TNRC6B: variants seen among roughly 807,000 people sequenced by gnomAD.
The protein encoded by TNRC6B is trinucleotide repeat containing adaptor 6B.
A neutral mutation model predicts 203.6 loss-of-function variants in TNRC6B; 52 were observed. That is an observed-to-expected ratio of 0.26 (90% CI 0.20 to 0.32). The LOEUF is 0.32. Among genes scored for constraint, TNRC6B ranks in the 10% least tolerant of loss-of-function variants. The pLI, the probability that TNRC6B is intolerant of heterozygous loss-of-function variation, is 1.00. For synonymous variants in TNRC6B, 838 were observed against 845.7 expected, an observed-to-expected ratio of 0.99 and a Z score of 0.16; for missense variants, 1,923 against 2,286.2, an observed-to-expected ratio of 0.84 and a Z score of 3.24.
rs1292227314 is a variant in TNRC6B, at chr22:40,132,943, C to CAAAAATAAAAAATAAAAA, written c.45+7086_45+7087insTAAAAAATAAAAAAAAAA. On this transcript the variant is annotated intron_variant, in intron 3 of 23. Transcript: ENST00000301923. Reference sequence around the variant, plus strand: ...TGGGGGACAGAGCAAGACTCTGTCTCAAAAAAAAAAAAAAAAAAAAAAAAA... The same window carrying CAAAAATAAAAAATAAAAA: ...TGGGGGACAGAGCAAGACTCTGTCTCAAAAATAAAAAATAAAAAAAAAAAAAAAAAAAAAAAAAAAAAA... 8.0e-4 allele frequency among the ~76,000 whole-genome samples: 19 copies of CAAAAATAAAAAATAAAAA among 23,868 alleles called. 2 individuals are homozygous for CAAAAATAAAAAATAAAAA. Among genetic ancestry groups the CAAAAATAAAAAATAAAAA allele is most frequent in the South Asian group, 4.7e-3 (2 of 422 alleles). The allele number at this position is 23,868 out of a possible 152,430, so 15.7% of individuals were successfully genotyped here.
Position 40,321,203 on chromosome 22 carries a change from G to A in TNRC6B, c.5088G>A (p.Ala1696=), listed in dbSNP as rs368891761. The change falls in exon 22 of 23, where the codon GCG becomes GCA. Residue 1696 remains alanine (A), a synonymous_variant. Coordinates refer to ENST00000454349, the MANE Select transcript of TNRC6B (RefSeq NM_001162501.2). ...TCCGATACAGCACCAAACAGGAGGC[G>A]GCCAAGGCCCAAACTGCACTGCACA... is the stretch of plus-strand genomic sequence containing the variant. The part of the protein sequence containing the change: ...ALIRYSTKQE[A]AKAQTALHMC... The A allele has an allele frequency of 1.9e-5, 30 of 1,613,810 alleles. No homozygotes were observed. Among genetic ancestry groups the A allele is most frequent in the African/African-American group, 1.1e-4 (8 of 74,918 alleles).
chr22:40,173,587 T>A (rs995834406), upstream of TNRC6B, among the ~76,000 whole-genome samples: 21 of 150,372 alleles, frequency 1.4e-4, no homozygotes, highest in African/African-American at 3.9e-4. Context: ...TGACTTTTTT[T>A]ATTTTTTTGT....
rs142526091 is a variant in TNRC6B at position 40,127,257 on chromosome 22, G to A, written c.45+1395G>A. Among the ~76,000 whole-genome samples the A allele has an allele frequency of 1.2e-4, 18 of 152,160 alleles. No individual in the cohort carries two copies. In the East Asian group the frequency reaches 2.5e-3, roughly 21 times the overall value. On this transcript the variant is annotated intron_variant, in intron 3 of 23. Transcript: ENST00000301923. ...ATTTCTTTCTGAATGCCCCCTCTGC[G>A]GGGCTATGATCTAGTCCGTGGCTTG...
intron 3 of TNRC6B, among the ~76,000 whole-genome samples, chr22:40,155,523 A>G (rs936027103): frequency 2.0e-5 from 3 of 152,150 alleles, no homozygotes. Context: ...TCCTGACCTC[A>G]TGATCTGCCC....
At chr22:40,248,642 A>G (rs2070142014) in intron 2 of TNRC6B, among the ~76,000 whole-genome samples, 1 of 152,230 alleles carries the variant, frequency 6.6e-6, no homozygotes, top group Admixed American at 6.5e-5. Flanking sequence ...TTATTTATGC[A>G]GAGAATGTAG....
intron 1 of TNRC6B, among the ~76,000 whole-genome samples, chr22:40,186,526 T>G (rs1459923402): frequency 6.6e-6 from 1 of 151,738 alleles, no homozygotes; most frequent in African/African-American, 2.4e-5. Flanking sequence ...GATCACAAGG[T>G]CAGGAGATCG....
At chr22:40,145,881 G>T (rs1407319646) in intron 3 of TNRC6B, among the ~76,000 whole-genome samples, 1 of 152,084 alleles carries the variant, frequency 6.6e-6, no homozygotes, top group East Asian at 1.9e-4. Flanking sequence ...GATGCAGTCT[G>T]TATGGAGCAC....
rs1601856178 is a variant in TNRC6B, at chr22:40,170,569, A to ATATATATAGTTTATATATATAT, written c.113+14408_113+14429dup. Among the ~76,000 whole-genome samples the ATATATATAGTTTATATATATAT allele has an allele frequency of 1.2e-4, 8 of 65,040 alleles. 1 individual carries two copies. The highest frequency in any genetic ancestry group is 6.3e-4 in the Admixed American group (3 of 4,728). The allele number at this position is 65,040 out of a possible 152,430, so 42.7% of individuals were successfully genotyped here. On this transcript the variant is annotated intron_variant, in intron 4 of 23. Transcript: ENST00000301923. ...ATTATATATATAGTTTATATATATT[A>ATATATATAGTTTATATATATAT]TATATATAGTTTATATATATATTAT... is the stretch of plus-strand genomic sequence containing the variant.
At position 40,312,668 on chromosome 22, in the gene TNRC6B, T is replaced by A. The variant is rs369597052; in HGVS notation, c.4582+17T>A. The A allele has an allele frequency of 5.4e-5, 87 of 1,605,284 alleles. No individual in the cohort carries two copies. Among genetic ancestry groups the A allele is most frequent in the Non-Finnish European group, 7.3e-5 (86 of 1,176,344 alleles). On this transcript the variant is annotated intron_variant, in intron 18 of 22. Transcript: ENST00000454349. ...ACACCACAGGTACTTGAGCAAAGCA[T>A]CTCTTATATGTTCAACACCCAGCAT...
chr22:40,184,028 T>C (rs1246984378), intron 1 of TNRC6B, among the ~76,000 whole-genome samples: 1 of 152,228 alleles, frequency 6.6e-6, no homozygotes, highest in African/African-American at 2.4e-5. Context: ...AATGAAAATT[T>C]AGGTCCATTG....
intron 1 of TNRC6B, among the ~76,000 whole-genome samples, chr22:40,211,559 C>G (rs1039282181): frequency 2.6e-5 from 4 of 152,110 alleles, no homozygotes; most frequent in African/African-American, 9.7e-5. Context: ...TTGTAAGCAA[C>G]CTAAACCCAG....
chr22:40,228,495 G>A (rs182159059), intron 1 of TNRC6B, among the ~76,000 whole-genome samples: 1 of 151,734 alleles, frequency 6.6e-6, no homozygotes, highest in Non-Finnish European at 1.5e-5. Flanking sequence ...GTTAGAGTAT[G>A]TGGTATAAGC....
chr22:40,101,794 A>T (rs143741875), intron 1 of TNRC6B, among the ~76,000 whole-genome samples: 1 of 152,208 alleles, frequency 6.6e-6, no homozygotes, highest in African/African-American at 2.4e-5. Flanking sequence ...CAGTTCAAGA[A>T]TCTGCAGTGA....
rs200884614 is a variant in TNRC6B, at chr22:40,204,938, GTTA to G, written c.5+26804_5+26806del. Among the ~76,000 whole-genome samples the G allele has an allele frequency of 2.6e-5, 4 of 152,292 alleles. No homozygotes were observed. The East Asian group carries it at 7.7e-4, about 29-fold the overall frequency. ...TTAATGACATTAAACACTTTCATCA[GTTA>G]TTATTGTGAAAGTACAGGTACATTT... On this transcript the variant is annotated intron_variant, in intron 1 of 22. Coordinates refer to ENST00000454349, the MANE Select transcript of TNRC6B (RefSeq NM_001162501.2).
rs370057813 is a variant in TNRC6B, at chr22:40,315,928, C to T, written c.4904-14C>T. On this transcript the variant is annotated splice_polypyrimidine_tract_variant and intron_variant, in intron 20 of 22. Transcript: ENST00000454349. ...TTTATTTCTCTTCCTAACCATTTTT[C>T]TGGTTGCTCATAGCCTCTACCTGGA... 23 of 1,607,214 alleles carry T rather than the reference C, an allele frequency of 1.4e-5. No individual in the cohort carries two copies. The highest frequency in any genetic ancestry group is 1.9e-5 in the Non-Finnish European group (22 of 1,176,334).
intron 10 of TNRC6B, 66 bp downstream of exon 10, chr22:40,280,209 G>T: frequency 1.3e-6 from 2 of 1,490,756 alleles, no homozygotes; most frequent in South Asian, 1.2e-5. Context: ...TTTGTCTTTT[G>T]ATAACTGATT....
At chr22:40,163,480 A>AAAAAAAAAAAAAC (rs568063097) in intron 4 of TNRC6B, among the ~76,000 whole-genome samples, 1 of 66,208 alleles carries the variant, frequency 1.5e-5, no homozygotes, top group Non-Finnish European at 2.8e-5. Flanking sequence ...AAAAAAAAAA[A>AAAAAAAAAAAAAC]GGCCAGGCAC....
rs796101031 is a variant in TNRC6B, at chr22:40,095,101, A to G, written c.-120-21954A>G. The stretch of plus-strand genomic sequence containing the variant: ...CAGAAATCTTTACAATTATATTACC[A>G]CAAAGAAGTTGACTACTCATTCAGT... On this transcript the variant is annotated intron_variant, in intron 1 of 23. Transcript: ENST00000301923. Among the ~76,000 whole-genome samples the G allele has an allele frequency of 1.2e-4, 18 of 152,292 alleles. 1 individual carries two copies. The highest frequency in any genetic ancestry group is 4.3e-4 in the African/African-American group (18 of 41,554).
At chr22:40,055,037 C>CA (rs928404004) in intron 1 of TNRC6B, among the ~76,000 whole-genome samples, 2 of 151,876 alleles carry the variant, frequency 1.3e-5, no homozygotes, top group Non-Finnish European at 2.9e-5. Flanking sequence ...ACTCCGTCTC[C>CA]AAAAAAAGAA....
Sources: gnomAD v4.1 joint callset for allele counts (sites outside exome capture counted in the v4.1 genomes callset) on GRCh38, gnomAD v4.1.1 for gene constraint, MANE v1.5 for transcripts, NCBI Gene and HGNC (gene_info 2026-07-23, HGNC 2026-07-21) for gene names.